SLC38A8: variants seen among roughly 807,000 people sequenced by gnomAD.
SLC38A8 encodes solute carrier family 38 member 8.
A neutral mutation model predicts 46.0 loss-of-function variants in SLC38A8; 65 were observed. The observed-to-expected ratio is 1.41, with a 90% CI of 1.16 to 1.74. SLC38A8 has a LOEUF of 1.74. Ranked by LOEUF, SLC38A8 falls within the 40% of genes most tolerant of loss-of-function variation. The pLI, the probability that SLC38A8 is intolerant of heterozygous loss-of-function variation, is 0.00. For synonymous variants in SLC38A8, 447 were observed against 243.7 expected, an observed-to-expected ratio of 1.83 and a Z score of -7.77; for missense variants, 998 against 567.9, an observed-to-expected ratio of 1.76 and a Z score of -7.70.
At chr16:84,041,257 C>G (rs1225730187) in intron 2 of SLC38A8, 2 of 152,346 alleles carry the variant, frequency 1.3e-5, no homozygotes, top group African/African-American at 2.4e-5. Context: ...CGGCCCGGCT[C>G]TGTGTGGGGA....
chr16:84,029,428 A>G, intron 6 of SLC38A8, 66 bp downstream of exon 6: 1 of 1,562,854 alleles, frequency 6.4e-7, no homozygotes, highest in African/African-American at 1.4e-5. Flanking sequence ...AGGTTTCCCA[A>G]GGGAGCAGAG....
At chr16:84,035,589 G>C (rs1230775483) in intron 3 of SLC38A8, among the ~76,000 whole-genome samples, 2 of 152,138 alleles carry the variant, frequency 1.3e-5, no homozygotes, top group Non-Finnish European at 2.9e-5. Context: ...GTTGCAAAAA[G>C]GACATATAAA....
At chr16:84,023,611 G>A (rs905126039) in intron 6 of SLC38A8, among the ~76,000 whole-genome samples, 2 of 152,152 alleles carry the variant, frequency 1.3e-5, no homozygotes, top group Non-Finnish European at 2.9e-5. Context: ...AGCCACATAG[G>A]TGCCGGGCAC....
chr16:84,036,936 G>A lies in SLC38A8; in HGVS notation c.190-36C>T, dbSNP rs372464171. 8.3e-6 allele frequency: 13 copies of A among 1,557,156 alleles called. No homozygotes were observed. The African/African-American group carries it at 1.2e-4, about 15-fold the overall frequency. On this transcript the variant is annotated intron_variant, in intron 2 of 10. Coordinates refer to ENST00000299709, the MANE Select transcript of SLC38A8 (RefSeq NM_001080442.3). ...GGAGCAGGACCTGGAACTGGGGTGT[G>A]CCCACAGCCCACCCACCCCCAGCCA...
chr16:84,029,458 A>C (rs1320983566), intron 6 of SLC38A8, 36 bp downstream of exon 6: 1 of 1,611,726 alleles, frequency 6.2e-7, no homozygotes, highest in East Asian at 2.2e-5. Flanking sequence ...CAGCCTCTGC[A>C]AACGCCACAG....
intron 2 of SLC38A8, among the ~76,000 whole-genome samples, chr16:84,040,492 G>T (rs575136647): frequency 4.3e-4 from 65 of 152,326 alleles, no homozygotes; most frequent in Admixed American, 1.3e-3. Flanking sequence ...CCTGCACGGT[G>T]CTTGTGGAAC....
intron 6 of SLC38A8, among the ~76,000 whole-genome samples, chr16:84,025,906 G>C (rs918074135): frequency 1.3e-5 from 2 of 152,198 alleles, no homozygotes; most frequent in Non-Finnish European, 2.9e-5. Context: ...CTGCCAGCAG[G>C]GGGGACGCAA....
At chr16:84,036,295 A>C (rs2085298413) in intron 3 of SLC38A8, among the ~76,000 whole-genome samples, 1 of 152,256 alleles carries the variant, frequency 6.6e-6, no homozygotes, top group Non-Finnish European at 1.5e-5. Context: ...GATGCAGCTA[A>C]AGCAGTGCTT....
intron 10 of SLC38A8, 126 bp downstream of exon 10, chr16:84,012,875 G>A: frequency 2.8e-6 from 3 of 1,055,568 alleles, no homozygotes; most frequent in East Asian, 4.8e-5. Flanking sequence ...CTCTCTTCCT[G>A]TGGCTCGCAG....
Position 84,031,936 on chromosome 16 carries a change from G to C in SLC38A8, c.563C>G (p.Ala188Gly). The change falls in exon 5 of 11, where the codon GCC becomes GGC. Residue 188 changes from alanine to glycine, a missense_variant. By Grantham distance (60) the Ala-to-Gly change is moderately conservative. Coordinates refer to ENST00000299709, the MANE Select transcript of SLC38A8 (RefSeq NM_001080442.3). ...GTAGTACTGCACGGTGATGACCAGG[G>C]CCAGGTAACAGGCAGCCAGAGTGCC... ...ILGTLAACYL[A>G]LVITVQYYLW... is the part of the protein sequence containing the mutation. 3 of 1,614,232 alleles carry C rather than the reference G, an allele frequency of 1.9e-6. No homozygotes were observed. Among genetic ancestry groups the C allele is most frequent in the Non-Finnish European group, 2.5e-6 (3 of 1,180,040 alleles).
chr16:84,041,705 A>G (rs1259187159), intron 2 of SLC38A8, among the ~76,000 whole-genome samples: 2 of 152,160 alleles, frequency 1.3e-5, no homozygotes, highest in African/African-American at 2.4e-5. Flanking sequence ...TGAAATGCCC[A>G]CTTCACAGAC....
chr16:84,017,010 G>A (rs2085035837), intron 8 of SLC38A8, 130 bp downstream of exon 8: 1 of 1,314,718 alleles, frequency 7.6e-7, no homozygotes, highest in Non-Finnish European at 1.0e-6. Flanking sequence ...CTCTGTGCCT[G>A]TTTCCTCCTG....
Position 84,036,771 on chromosome 16 carries a change from A to C in SLC38A8, c.319T>G (p.Cys107Gly), listed in dbSNP as rs554293529. The C allele has an allele frequency of 2.4e-4, 386 of 1,614,216 alleles. 3 individuals carry two copies. In the South Asian group the frequency reaches 3.9e-3, roughly 16 times the overall value. The change falls in exon 3 of 11, where the codon TGC becomes GGC. Residue 107 changes from cysteine (C) to glycine (G), a missense_variant. Cys to Gly is a radical substitution (Grantham distance 159). Transcript: ENST00000299709. The part of the protein sequence containing the change: ...GPAIGKLCEA[C>G]FLLNLLMISV... ...ATCATGAGCAGGTTGAGGAGGAAGCAGGCCTCACACAGCTTCCCAATGGCA... is the reference window on the plus strand; with the variant it reads ...ATCATGAGCAGGTTGAGGAGGAAGCCGGCCTCACACAGCTTCCCAATGGCA...
In SLC38A8 at chr16:84,009,801, C is replaced by T. The variant is rs144862027; in HGVS notation, c.1291G>A (p.Val431Ile). 1.6e-4 allele frequency: 260 copies of T among 1,614,012 alleles called. 1 individual carries two copies. In the African/African-American group the frequency reaches 2.9e-3, roughly 18 times the overall value. The change falls in exon 11 of 11, where the codon GTC becomes ATC. Residue 431 changes from valine to isoleucine, a missense_variant. Physicochemically the swap from Val to Ile is conservative, Grantham distance 29. Coordinates refer to ENST00000299709, the MANE Select transcript of SLC38A8 (RefSeq NM_001080442.3). Reference protein sequence around the residue: ...FIFGQSTAAAVWEMF With the variant: ...FIFGQSTAAAIWEMF ...GCTGCCCATCAGAACATCTCCCAGACCGCTGCCGCCGTGCTCTGCCCAAAG... is the reference window on the plus strand; with the variant it reads ...GCTGCCCATCAGAACATCTCCCAGATCGCTGCCGCCGTGCTCTGCCCAAAG...
chr16:84,040,320 C>A (rs569184689), intron 2 of SLC38A8, among the ~76,000 whole-genome samples: 118 of 152,348 alleles, frequency 7.7e-4, no homozygotes, highest in African/African-American at 2.7e-3. Context: ...TTATTCACCT[C>A]AGGGTTCCCT....
chr16:84,013,577 C>T (rs7199105), intron 9 of SLC38A8, among the ~76,000 whole-genome samples: 3 of 151,432 alleles, frequency 2.0e-5, no homozygotes, highest in Non-Finnish European at 2.9e-5. Context: ...ACTACAGGTG[C>T]GTGCCACCAC....
chr16:84,027,537 G>C (rs1250263860), intron 6 of SLC38A8, among the ~76,000 whole-genome samples: 1 of 152,162 alleles, frequency 6.6e-6, no homozygotes, highest in Non-Finnish European at 1.5e-5. Context: ...TTTGAGTCAG[G>C]TCAGAGTTCC....
intron 5 of SLC38A8, among the ~76,000 whole-genome samples, 197 bp from the exon 6 acceptor site, chr16:84,029,748 A>G (rs995996894): frequency 6.6e-5 from 10 of 152,188 alleles, no homozygotes; most frequent in Admixed American, 6.5e-4. Flanking sequence ...CTTTCTAAAT[A>G]CGTCTTTGCT....
At chr16:84,019,184 C>T (rs561264546) in intron 7 of SLC38A8, among the ~76,000 whole-genome samples, 2 of 152,084 alleles carry the variant, frequency 1.3e-5, no homozygotes, top group African/African-American at 2.4e-5. Context: ...AAGCGATTAT[C>T]TTGCCTCAGC....
Sources: gnomAD v4.1 joint callset for allele counts (sites outside exome capture counted in the v4.1 genomes callset) on GRCh38, gnomAD v4.1.1 for gene constraint, MANE v1.5 for transcripts, NCBI Gene and HGNC (gene_info 2026-07-23, HGNC 2026-07-21) for gene names.